RHOBTB1: variants seen among roughly 807,000 people sequenced by gnomAD.
RHOBTB1 encodes Rho related BTB domain containing 1, also known as rho-related BTB domain-containing protein 1.
Under a neutral mutation model 71.6 loss-of-function variants are expected in RHOBTB1, and 40 were observed. The observed-to-expected ratio is 0.56, with a 90% confidence interval of 0.43 to 0.73. The LOEUF (loss-of-function observed/expected upper bound fraction) is 0.73. Ranked by LOEUF, RHOBTB1 falls within the 30% of genes least tolerant of loss-of-function variation. The probability of loss-of-function intolerance (pLI) is 0.00; values close to 1 mark genes in which losing one functional copy is unlikely to be tolerated. For missense variants in RHOBTB1, 797 were observed against 894.0 expected (o/e 0.89, Z 1.38); for synonymous variants, 319 against 334.9 (o/e 0.95, Z 0.52).
chr10:60,900,319 G>A (rs2082356212), intron 4 of RHOBTB1, among the ~76,000 whole-genome samples: 1 of 152,098 alleles, frequency 6.6e-6, no homozygotes, highest in African/African-American at 2.4e-5. Context: ...AGCCTGGGAG[G>A]GGTCCCCTAC....
At chr10:60,960,586 A>G (rs1161673859) in intron 2 of RHOBTB1, among the ~76,000 whole-genome samples, 1 of 152,188 alleles carries the variant, frequency 6.6e-6, no homozygotes, top group Non-Finnish European at 1.5e-5. Context: ...TTAATACTGG[A>G]AATATTCTTG....
chr10:60,911,036 T>A lies in RHOBTB1; in HGVS notation c.193-46A>T, dbSNP rs745908792. On this transcript the variant is annotated intron_variant, in intron 3 of 10. Transcript: ENST00000337910. ...ATCTGTGCTCGGTGTCAGTCAGAAG[T>A]TCCCCAGGAGAAGCGTGTTCAAGTC... 24 of 1,511,938 alleles carry A rather than the reference T, an allele frequency of 1.6e-5. No individual in the cohort carries two copies. The Admixed American group carries it at 2.3e-4, about 15-fold the overall frequency. 93.7% of individuals were successfully genotyped at this position (1,511,938 alleles called of 1,614,324 possible). A position where few individuals can be genotyped will look rare whatever the true frequency, so the allele number is the denominator to read the frequency against.
At chr10:60,867,890 T>C (rs530551488), downstream of RHOBTB1, among the ~76,000 whole-genome samples, 140 of 152,306 alleles carry the variant, frequency 9.2e-4, no homozygotes, top group African/African-American at 3.2e-3. Context: ...TGCTTCCTAA[T>C]TGGAAATTCA....
At chr10:60,937,093 AT>A (rs1310289832) in intron 2 of RHOBTB1, among the ~76,000 whole-genome samples, 2 of 152,226 alleles carry the variant, frequency 1.3e-5, no homozygotes, top group East Asian at 3.8e-4. Context: ...TAAAAAAAAT[AT>A]CAAAGCAGTA....
At chr10:60,878,790 G>A (rs543033863) in intron 7 of RHOBTB1, among the ~76,000 whole-genome samples, 3 of 152,302 alleles carry the variant, frequency 2.0e-5, no homozygotes, top group East Asian at 1.9e-4. Context: ...GCTGGAGTTC[G>A]CCAGAGAGCC....
intron 6 of RHOBTB1, among the ~76,000 whole-genome samples, chr10:60,886,719 G>GA (rs1396486870): frequency 2.1e-5 from 3 of 140,494 alleles, no homozygotes; most frequent in African/African-American, 5.2e-5. Context: ...AAGAGATGTG[G>GA]GGGGGGGTGG....
chr10:60,952,523 G>A (rs1465543561), intron 2 of RHOBTB1, among the ~76,000 whole-genome samples: 1 of 152,162 alleles, frequency 6.6e-6, no homozygotes, highest in Non-Finnish European at 1.5e-5. Flanking sequence ...TGAGGAAGCC[G>A]AGGATCAAAA....
At chr10:60,974,216 G>A (rs2086247636) in intron 2 of RHOBTB1, among the ~76,000 whole-genome samples, 1 of 151,876 alleles carries the variant, frequency 6.6e-6, no homozygotes, top group African/African-American at 2.4e-5. Context: ...TTTCAAATTA[G>A]TTGCAGGTAA....
intron 2 of RHOBTB1, among the ~76,000 whole-genome samples, chr10:60,952,901 T>A (rs1035322845): frequency 2.3e-4 from 35 of 152,162 alleles, no homozygotes; most frequent in African/African-American, 8.0e-4. Context: ...CAGGTGTCGA[T>A]GAGCGATATG....
At chr10:60,988,953 A>C (rs2086765228) in intron 1 of RHOBTB1, among the ~76,000 whole-genome samples, 1 of 152,216 alleles carries the variant, frequency 6.6e-6, no homozygotes, top group African/African-American at 2.4e-5. Context: ...CTTTGCTATC[A>C]GGAAGTTTAC....
intron 2 of RHOBTB1, among the ~76,000 whole-genome samples, chr10:60,971,091 A>G (rs1019406199): frequency 1.3e-5 from 2 of 152,034 alleles, no homozygotes; most frequent in Non-Finnish European, 1.5e-5. Context: ...TATTGATGTA[A>G]TTAATAATAA....
At chr10:60,861,109 G>A in the RHOBTB1 span, among the ~76,000 whole-genome samples, 2 of 152,154 alleles carry the variant, frequency 1.3e-5, no homozygotes, top group East Asian at 1.9e-4. Context: ...GCACACTGGT[G>A]GAAGAAATTT....
At chr10:60,966,160 A>C (rs1001176308) in intron 2 of RHOBTB1, among the ~76,000 whole-genome samples, 1 of 152,142 alleles carries the variant, frequency 6.6e-6, no homozygotes, top group Non-Finnish European at 1.5e-5. Context: ...GTTTGCAAAA[A>C]TTCTAAACAT....
chr10:60,968,026 G>T (rs2086029928), intron 2 of RHOBTB1, among the ~76,000 whole-genome samples: 1 of 152,060 alleles, frequency 6.6e-6, no homozygotes, highest in African/African-American at 2.4e-5. Context: ...GCAGTCCTAG[G>T]ACAGAGGGAC....
At chr10:61,001,854 C>T (rs1300591548), upstream of RHOBTB1, among the ~76,000 whole-genome samples, 1 of 152,214 alleles carries the variant, frequency 6.6e-6, no homozygotes, top group African/African-American at 2.4e-5. Context: ...CTGGAGGCCT[C>T]CCCAGGACCC....
intron 1 of RHOBTB1, among the ~76,000 whole-genome samples, chr10:60,986,430 T>TAA (rs1554860071): frequency 1.5e-5 from 2 of 136,890 alleles, no homozygotes; most frequent in Non-Finnish European, 3.1e-5. Context: ...TATATATATA[T>TAA]AAAATATATA....
chr10:60,915,705 C>T (rs984655338), intron 2 of RHOBTB1, among the ~76,000 whole-genome samples: 3 of 152,170 alleles, frequency 2.0e-5, no homozygotes, highest in African/African-American at 4.8e-5. Context: ...CCTAGAAAAG[C>T]GTGATCATGC....
chr10:60,929,917 A>G (rs2084134759), intron 2 of RHOBTB1, among the ~76,000 whole-genome samples: 1 of 152,198 alleles, frequency 6.6e-6, no homozygotes, highest in Admixed American at 6.5e-5. Flanking sequence ...CTTTCTTTCA[A>G]GTGTTCTTGG....
chr10:60,973,720 A>AGCTACTCGGGAGGCT (rs2086233733), intron 2 of RHOBTB1, among the ~76,000 whole-genome samples: 1 of 152,096 alleles, frequency 6.6e-6, no homozygotes, highest in African/African-American at 2.4e-5. Context: ...TGAAAAATCA[A>AGCTACTCGGGAGGCT]GAATAAGCAA....
Sources: allele counts gnomAD v4.1 joint callset (sites outside exome capture counted in the v4.1 genomes callset), GRCh38; gene constraint gnomAD v4.1.1; transcripts MANE v1.5; gene names NCBI Gene and HGNC (gene_info 2026-07-23, HGNC 2026-07-21).